The following UCK1 variants were observed in gnomAD, a reference collection of about 807,000 sequenced individuals.
The protein encoded by UCK1 is uridine-cytidine kinase 1, also known as cytidine monophosphokinase 1.
Under a neutral mutation model 34.0 loss-of-function variants are expected in UCK1, and 20 were observed. The ratio of observed to expected loss-of-function variants is 0.59; its 90% confidence interval spans 0.41 to 0.86. UCK1 has a LOEUF of 0.86. Ranked by LOEUF, UCK1 falls within the 40% of genes least tolerant of loss-of-function variation. The pLI, the probability that UCK1 is intolerant of heterozygous loss-of-function variation, is 0.00. For missense variants in UCK1, 343 were observed against 383.6 expected (o/e 0.89, Z 0.88); for synonymous variants, 168 against 155.9 (o/e 1.08, Z -0.58).
At chr9:131,526,601 G>A in intron 5 of UCK1, 1 of 1,026,656 alleles carries the variant, frequency 9.7e-7, no homozygotes, top group South Asian at 1.3e-5. Context: ...TGGCTTTAGG[G>A]AAGGGGAAGC....
chr9:131,528,719 A>C, intron 5 of UCK1: 1 of 590,950 alleles, frequency 1.7e-6, no homozygotes, highest in Non-Finnish European at 3.0e-6. Context: ...GCCAGTGTGA[A>C]TGTGGGGGAG....
At chr9:131,525,826 C>G (rs1588529126) in intron 6 of UCK1, 103 bp downstream of exon 6, 11 of 1,233,774 alleles carry the variant, frequency 8.9e-6, no homozygotes, top group East Asian at 2.4e-5. Context: ...CACTGGCAGG[C>G]CGCGTGCGCA....
At chr9:131,526,400 C>T (rs913555995) in intron 5 of UCK1, 18 of 1,288,668 alleles carry the variant, frequency 1.4e-5, no homozygotes, top group East Asian at 1.1e-4. Flanking sequence ...GGACAGCCGC[C>T]GCCGTGCATA....
In UCK1 at chr9:131,524,670, C is replaced by A. The variant is rs1347528267; in HGVS notation, c.*370G>T. On this transcript the variant is annotated 3_prime_UTR_variant, in exon 7 of 7. Coordinates refer to ENST00000372215, the MANE Select transcript of UCK1 (RefSeq NM_031432.5). The stretch of plus-strand genomic sequence containing the variant: ...AAAACTCTCTCCCACTGTGGGTTCA[C>A]TGTCAACAAAACATCAGGCCAGCCA... 4.9e-6 allele frequency: 1 copy of A among 203,326 alleles called. No homozygotes were observed. Among genetic ancestry groups the A allele is most frequent in the Non-Finnish European group, 9.8e-6 (1 of 102,120 alleles). 12.6% of individuals were successfully genotyped at this position (203,326 alleles called of 1,614,324 possible).
chr9:131,530,287 G>C (rs991330840), intron 2 of UCK1, among the ~76,000 whole-genome samples, 199 bp downstream of exon 2: 2 of 152,214 alleles, frequency 1.3e-5, no homozygotes, highest in African/African-American at 2.4e-5. Flanking sequence ...ACGCTCCTGG[G>C]GGGACACTCA....
intron 5 of UCK1, among the ~76,000 whole-genome samples, chr9:131,528,442 G>C (rs1324841105): frequency 6.6e-6 from 1 of 152,210 alleles, no homozygotes; most frequent in Non-Finnish European, 1.5e-5. Context: ...CAAGATTTCA[G>C]AGCACTGGCC....
At position 131,528,677 on chromosome 9, in the gene UCK1, G is replaced by A. The variant is rs146231848; in HGVS notation, c.603+267C>T. The stretch of plus-strand genomic sequence containing the variant: ...AGGGTTTTCAGTGTTGAATGGGGAC[G>A]CTGGGCAAGGGCCTGAGGCAGGGAG... On this transcript the variant is annotated intron_variant, in intron 5 of 6. Transcript: ENST00000372215. 149 of 526,080 alleles carry A rather than the reference G, an allele frequency of 2.8e-4. 1 individual carries two copies. Among genetic ancestry groups the A allele is most frequent in the African/African-American group, 2.3e-3 (119 of 52,354 alleles). The allele number at this position is 526,080 out of a possible 1,614,324, so 32.6% of individuals were successfully genotyped here. A position where few individuals can be genotyped will look rare whatever the true frequency, so the allele number is the denominator to read the frequency against.
chr9:131,529,096 C>G lies in UCK1; in HGVS notation c.508+32G>C, dbSNP rs376340197. On this transcript the variant is annotated intron_variant, in intron 4 of 6. Transcript: ENST00000372215. ...CTCAGGACCTGCCGCCAGCCTCGGCCAGGCAGGCACGGAGGCCCGCGGCCG... is the reference window on the plus strand; with the variant it reads ...CTCAGGACCTGCCGCCAGCCTCGGCGAGGCAGGCACGGAGGCCCGCGGCCG... 3 of 1,613,216 alleles carry G rather than the reference C, an allele frequency of 1.9e-6. No individual in the cohort carries two copies. The African/African-American group carries it at 4.0e-5, about 22-fold the overall frequency.
intron 5 of UCK1, among the ~76,000 whole-genome samples, chr9:131,527,817 C>T (rs1950665999): frequency 1.3e-5 from 2 of 151,672 alleles, no homozygotes; most frequent in African/African-American, 4.8e-5. Context: ...GTCAAGACTG[C>T]AGTGAGCTGT....
chr9:131,529,197 C>G lies in UCK1; in HGVS notation c.439G>C (p.Glu147Gln). Residue 147 changes from glutamate to glutamine, a missense_variant, in exon 4 of 7, where the codon GAG becomes CAG. By Grantham distance (29) the Glu-to-Gln change is conservative (BLOSUM62 2). Transcript: ENST00000372215. Reference sequence around the variant, plus strand: ...CGCAGGTGGAACATGTCCCGGATCTCCTGGCTGTAGAACACCAAGATGCCC... The same window carrying G: ...CGCAGGTGGAACATGTCCCGGATCTGCTGGCTGTAGAACACCAAGATGCCC... ...FEGILVFYSQ[E>Q]IRDMFHLRLF... 1 of 1,614,168 alleles carries G rather than the reference C, an allele frequency of 6.2e-7. No homozygotes were observed. Among genetic ancestry groups the G allele is most frequent in the East Asian group, 2.2e-5 (1 of 44,888 alleles).
chr9:131,525,902 G>A, intron 6 of UCK1, 27 bp downstream of exon 6: 1 of 1,612,292 alleles, frequency 6.2e-7, no homozygotes, highest in Non-Finnish European at 8.5e-7. Flanking sequence ...AGGGGCGGGG[G>A]GACAGCCCAG....
chr9:131,527,827 T>A (rs1950666339), intron 5 of UCK1, among the ~76,000 whole-genome samples: 1 of 151,582 alleles, frequency 6.6e-6, no homozygotes, highest in South Asian at 2.1e-4. Context: ...CAGTGAGCTG[T>A]GATTGCACCA....
In UCK1 at chr9:131,529,373, G is replaced by T. The variant is rs930546491; in HGVS notation, c.366-103C>A. The T allele has an allele frequency of 2.3e-5, 36 of 1,599,992 alleles. No homozygotes were observed. The East Asian group carries it at 7.4e-4, about 33-fold the overall frequency. On this transcript the variant is annotated intron_variant, in intron 3 of 6. Coordinates refer to ENST00000372215, the MANE Select transcript of UCK1 (RefSeq NM_031432.5). Reference sequence around the variant, plus strand: ...AGGGACACTGACTGTGGGAAGGGGTGGGGGACCCACAGAAACCAACCGGGG... The same window carrying T: ...AGGGACACTGACTGTGGGAAGGGGTTGGGGACCCACAGAAACCAACCGGGG...
chr9:131,531,056 C>A lies in UCK1; in HGVS notation c.108+11G>T. ...GCGAGAGGCGAGACCCCGGCCCGCTCGGCCCCTTACCTTCCCGCTGGCAGT... is the reference window on the plus strand; with the variant it reads ...GCGAGAGGCGAGACCCCGGCCCGCTAGGCCCCTTACCTTCCCGCTGGCAGT... On this transcript the variant is annotated intron_variant, in intron 1 of 6. Coordinates refer to ENST00000372215, the MANE Select transcript of UCK1 (RefSeq NM_031432.5). 1 of 1,360,284 alleles carries A rather than the reference C, an allele frequency of 7.4e-7. No individual in the cohort carries two copies. The highest frequency in any genetic ancestry group is 9.5e-7 in the Non-Finnish European group (1 of 1,057,838). The allele number at this position is 1,360,284 out of a possible 1,614,324, so 84.3% of individuals were successfully genotyped here.
chr9:131,527,074 T>C (rs1038743820), intron 5 of UCK1, among the ~76,000 whole-genome samples: 3 of 151,562 alleles, frequency 2.0e-5, no homozygotes, highest in Admixed American at 6.6e-5. Context: ...TCCCAGCACT[T>C]TGGGAGGCTG....
intron 5 of UCK1, among the ~76,000 whole-genome samples, chr9:131,527,746 G>C (rs1238094939): frequency 6.6e-6 from 1 of 152,064 alleles, no homozygotes; most frequent in Non-Finnish European, 1.5e-5. Context: ...GCATGGTGGT[G>C]CACGCCTGTG....
chr9:131,524,802 G>A lies in UCK1; in HGVS notation c.*238C>T, dbSNP rs965760459. On this transcript the variant is annotated 3_prime_UTR_variant, in exon 7 of 7. Transcript: ENST00000372215. The stretch of plus-strand genomic sequence containing the variant: ...GTGGCATTTCTCAGTGACCTAGAGG[G>A]ATCTTTAAACCGCAACGAGCCTAAG... 2.9e-5 allele frequency: 15 copies of A among 511,264 alleles called. No homozygotes were observed. In the South Asian group the frequency reaches 3.0e-4, roughly 10 times the overall value. The allele number at this position is 511,264 out of a possible 1,614,324, so 31.7% of individuals were successfully genotyped here.
intron 5 of UCK1, among the ~76,000 whole-genome samples, chr9:131,527,670 A>C (rs914568141): frequency 2.6e-5 from 4 of 152,104 alleles, no homozygotes; most frequent in Admixed American, 2.0e-4. Flanking sequence ...AGATCCCAGG[A>C]GATGGAGACC....
chr9:131,529,535 C>G lies in UCK1; in HGVS notation c.318G>C (p.Glu106Asp), dbSNP rs1482575418. 1 of 1,614,076 alleles carries G rather than the reference C, an allele frequency of 6.2e-7. No individual in the cohort carries two copies. Among genetic ancestry groups the G allele is most frequent in the East Asian group, 2.2e-5 (1 of 44,894 alleles). The part of the protein sequence containing the change: ...LMHRTLKNIV[E>D]GKTVEVPTYD... ...AGGTCGGCACCTCCACCGTTTTGCC[C>G]TCCACGATGTTCTTCAGAGTCCTGT... is the stretch of plus-strand genomic sequence containing the variant. Residue 106 changes from glutamate (E) to aspartate (D), a missense_variant, in exon 3 of 7, where the codon GAG becomes GAC. Glu to Asp is a conservative substitution (Grantham distance 45). Transcript: ENST00000372215.
Sources: gnomAD v4.1 joint callset for allele counts (sites outside exome capture counted in the v4.1 genomes callset) on GRCh38, gnomAD v4.1.1 for gene constraint, MANE v1.5 for transcripts, NCBI Gene and HGNC (gene_info 2026-07-23, HGNC 2026-07-21) for gene names.